The following COL28A1 variants were observed in gnomAD, a reference collection of about 807,000 sequenced individuals.
The protein encoded by COL28A1 is collagen alpha-1(XXVIII) chain.
COL28A1 carries 161 observed loss-of-function variants against 150.2 expected under a neutral mutation model. The ratio of observed to expected loss-of-function variants is 1.07; its 90% CI spans 0.94 to 1.22. COL28A1 has a LOEUF of 1.22. Ranked by LOEUF, COL28A1 falls within the 50% of genes most tolerant of loss-of-function variation. COL28A1 has a pLI of 0.00. For missense variants in COL28A1, 1,617 were observed against 1,388.3 expected (o/e 1.16, Z -2.62); for synonymous variants, 552 against 469.7 (o/e 1.18, Z -2.26).
chr7:7,447,625 A>G (rs1786361627), intron 18 of COL28A1, among the ~76,000 whole-genome samples: 1 of 152,094 alleles, frequency 6.6e-6, no homozygotes, highest in African/African-American at 2.4e-5. Context: ...AATTTAAAGC[A>G]TGTTAAATAG....
chr7:7,371,413 C>T (rs1207766923), intron 32 of COL28A1, among the ~76,000 whole-genome samples: 2 of 152,192 alleles, frequency 1.3e-5, no homozygotes, highest in Middle Eastern at 3.2e-3. Context: ...AAGTAGAACC[C>T]TAGGTTAGAA....
chr7:7,490,766 T>A (rs1382294690), intron 11 of COL28A1, 120 bp from the exon 12 acceptor site: 3 of 517,434 alleles, frequency 5.8e-6, no homozygotes, highest in Admixed American at 3.5e-5. Flanking sequence ...AACCTGTACA[T>A]CGTGCCTGCC....
intron 30 of COL28A1, among the ~76,000 whole-genome samples, 162 bp from the exon 31 acceptor site, chr7:7,375,659 T>A (rs1028731076): frequency 3.3e-5 from 5 of 152,182 alleles, no homozygotes; most frequent in African/African-American, 1.2e-4. Flanking sequence ...CTGACTATAA[T>A]AGACCATAAC....
downstream of COL28A1, among the ~76,000 whole-genome samples, chr7:7,351,850 T>G (rs1165757120): frequency 6.6e-6 from 1 of 152,052 alleles, no homozygotes; most frequent in East Asian, 1.9e-4. Flanking sequence ...GAATGGACAC[T>G]CCTCTCAGTC....
In COL28A1 at chr7:7,432,535, G is replaced by A. The variant is rs370245361; in HGVS notation, c.1936C>T (p.Arg646Cys). ...GDGYPGVPGP[R>C]GLPGPPGPMG... Reference sequence around the variant, plus strand: ...GGCCCAGGGGGTCCTGGTAATCCACGAGGTCCCTGAGATGACACAGTAAGG... The same window carrying A: ...GGCCCAGGGGGTCCTGGTAATCCACAAGGTCCCTGAGATGACACAGTAAGG... Residue 646 changes from arginine to cysteine, a missense_variant, in exon 25 of 35, where the codon CGT becomes TGT. By Grantham distance (180) the Arg-to-Cys change is radical. Coordinates refer to ENST00000399429, the MANE Select transcript of COL28A1 (RefSeq NM_001037763.3). 38 of 1,613,714 alleles carry A rather than the reference G, an allele frequency of 2.4e-5. No homozygotes were observed. Among genetic ancestry groups the A allele is most frequent in the Non-Finnish European group, 2.9e-5 (34 of 1,179,866 alleles).
At chr7:7,459,168 A>C (rs1183805306) in intron 15 of COL28A1, among the ~76,000 whole-genome samples, 1 of 152,194 alleles carries the variant, frequency 6.6e-6, no homozygotes, top group African/African-American at 2.4e-5. Context: ...AAATGTAAAA[A>C]TAACATGCAC....
In COL28A1 at chr7:7,498,852, G is replaced by A. The variant is rs568977339; in HGVS notation, c.1026+7162C>T. On this transcript the variant is annotated intron_variant, in intron 11 of 34. Transcript: ENST00000399429. ...CTCAGCCACTTTGTGGGAAATGTTG[G>A]CAGCATTTTCAGTTCCTTGGTCCAT... Among the ~76,000 whole-genome samples, 8 of 152,002 alleles carry A rather than the reference G, an allele frequency of 5.3e-5. 2 individuals carry two copies. The highest frequency in any genetic ancestry group is 1.9e-4 in the African/African-American group (8 of 41,424).
In COL28A1 at chr7:7,522,806, C is replaced by CAAAAAAAAAAAAAAAAAAA. The variant is rs200294353; in HGVS notation, c.703-864_703-846dup. Among the ~76,000 whole-genome samples, 45 of 93,160 alleles carry CAAAAAAAAAAAAAAAAAAA rather than the reference C, an allele frequency of 4.8e-4. 4 individuals are homozygous for CAAAAAAAAAAAAAAAAAAA. Among genetic ancestry groups the CAAAAAAAAAAAAAAAAAAA allele is most frequent in the Admixed American group, 6.3e-4 (6 of 9,470 alleles). The allele number at this position is 93,160 out of a possible 152,430, so 61.1% of individuals were successfully genotyped here. Reference sequence around the variant, plus strand: ...ACTAACACTAACGATAGCTGAAGAGCAAAAAAAAAAAAAAAAAAAAAAAAA... The same window carrying CAAAAAAAAAAAAAAAAAAA: ...ACTAACACTAACGATAGCTGAAGAGCAAAAAAAAAAAAAAAAAAAAAAAAAAAAAAAAAAAAAAAAAAAA... On this transcript the variant is annotated intron_variant, in intron 4 of 34. Transcript: ENST00000399429.
chr7:7,394,677 A>T (rs769388558), intron 27 of COL28A1, among the ~76,000 whole-genome samples: 1 of 151,906 alleles, frequency 6.6e-6, no homozygotes, highest in Non-Finnish European at 1.5e-5. Flanking sequence ...CTGGTTATCT[A>T]CCCCGAGACT....
rs370016673 is a variant in COL28A1, at chr7:7,419,801, G to A, written c.2067+84C>T. On this transcript the variant is annotated intron_variant, in intron 26 of 34. Coordinates refer to ENST00000399429, the MANE Select transcript of COL28A1 (RefSeq NM_001037763.3). ...GAAAAAAATAAGTCAACACCAAGAC[G>A]AACACTTATTATGAAGTTACTGTTC... 80 of 829,218 alleles carry A rather than the reference G, an allele frequency of 9.6e-5. 2 individuals are homozygous for A. The African/African-American group carries it at 1.3e-3, about 13-fold the overall frequency. The allele number at this position is 829,218 out of a possible 1,614,324, so 51.4% of individuals were successfully genotyped here. A position where few individuals can be genotyped will look rare whatever the true frequency, so the allele number is the denominator to read the frequency against.
chr7:7,374,761 G>A (rs895351618), intron 31 of COL28A1, among the ~76,000 whole-genome samples: 1 of 152,128 alleles, frequency 6.6e-6, no homozygotes, highest in African/African-American at 2.4e-5. Context: ...GAGACTCCCA[G>A]GCTGCTTCTT....
intron 18 of COL28A1, among the ~76,000 whole-genome samples, chr7:7,448,917 A>G (rs1322101843): frequency 6.6e-6 from 1 of 152,124 alleles, no homozygotes; most frequent in Non-Finnish European, 1.5e-5. Flanking sequence ...AAAACAGATC[A>G]ATGGTTAGCA....
chr7:7,346,619 G>A, the COL28A1 span, among the ~76,000 whole-genome samples: 2 of 152,098 alleles, frequency 1.3e-5, no homozygotes, highest in East Asian at 1.9e-4. Flanking sequence ...ATAGTTGATG[G>A]TTCAGGAAAT....
At chr7:7,453,593 T>C in intron 16 of COL28A1, 85 bp from the exon 17 acceptor site, 1 of 749,662 alleles carries the variant, frequency 1.3e-6, no homozygotes, top group Non-Finnish European at 2.3e-6. Context: ...TCATACCCCA[T>C]AATAAGTTAC....
chr7:7,527,926 T>C (rs969489719), intron 3 of COL28A1, among the ~76,000 whole-genome samples: 1 of 151,712 alleles, frequency 6.6e-6, no homozygotes, highest in African/African-American at 2.4e-5. Context: ...GACAAAAAAA[T>C]TCAACTTAAA....
At chr7:7,414,201 G>C (rs1420598818) in intron 27 of COL28A1, among the ~76,000 whole-genome samples, 1 of 152,212 alleles carries the variant, frequency 6.6e-6, no homozygotes, top group Non-Finnish European at 1.5e-5. Context: ...TCCAGGTCCA[G>C]ACCCATTCCT....
At chr7:7,477,779 C>T (rs1456014245) in intron 13 of COL28A1, among the ~76,000 whole-genome samples, 1 of 152,144 alleles carries the variant, frequency 6.6e-6, no homozygotes, top group Non-Finnish European at 1.5e-5. Context: ...TGGAAACGGA[C>T]CCCAGCAGGT....
chr7:7,344,318 C>A, the COL28A1 span, among the ~76,000 whole-genome samples: 6 of 151,950 alleles, frequency 3.9e-5, no homozygotes, highest in Non-Finnish European at 5.9e-5. Context: ...TTTTTTTCTT[C>A]TTTTCCTGCC....
intron 27 of COL28A1, among the ~76,000 whole-genome samples, chr7:7,388,099 G>C (rs1298489304): frequency 3.9e-5 from 6 of 151,922 alleles, no homozygotes; most frequent in African/African-American, 1.2e-4. Context: ...TGTCACGGTG[G>C]TTAGCTGAAC....
Sources: allele counts gnomAD v4.1 joint callset (sites outside exome capture counted in the v4.1 genomes callset), GRCh38; gene constraint gnomAD v4.1.1; transcripts MANE v1.5; gene names NCBI Gene and HGNC (gene_info 2026-07-23, HGNC 2026-07-21).